The following ZCCHC24 variants were observed in gnomAD, a reference collection of about 807,000 sequenced individuals.
ZCCHC24 encodes the protein zinc finger CCHC-type containing 24.
A neutral mutation model predicts 26.2 loss-of-function variants in ZCCHC24; 10 were observed. The observed-to-expected ratio is 0.38, with a 90% confidence interval of 0.24 to 0.65. The LOEUF (loss-of-function observed/expected upper bound fraction) is 0.65. Ranked by LOEUF, ZCCHC24 falls within the 30% of genes least tolerant of loss-of-function variation. ZCCHC24 has a pLI of 0.54. For missense variants in ZCCHC24, 243 were observed against 329.1 expected, an observed-to-expected ratio of 0.74 and a Z score of 2.03; for synonymous variants, 144 against 147.1, an observed-to-expected ratio of 0.98 and a Z score of 0.15.
intron 2 of ZCCHC24, among the ~76,000 whole-genome samples, chr10:79,404,641 T>C (rs940730411): frequency 6.6e-6 from 1 of 152,182 alleles, no homozygotes; most frequent in African/African-American, 2.4e-5. Context: ...TTGGGTCCCG[T>C]TTGCTCAGCA....
chr10:79,444,479 C>T (rs553181466), intron 1 of ZCCHC24, among the ~76,000 whole-genome samples: 10 of 151,976 alleles, frequency 6.6e-5, no homozygotes, highest in South Asian at 2.1e-4. Context: ...TCTCCCCCCC[C>T]CTTTCTAGCC....
chr10:79,431,385 G>A (rs943874578), intron 2 of ZCCHC24, among the ~76,000 whole-genome samples: 6 of 152,210 alleles, frequency 3.9e-5, no homozygotes, highest in Admixed American at 2.0e-4. Flanking sequence ...ACCCACTGGA[G>A]ATGTGGGGTC....
chr10:79,389,548 G>A (rs1856445894), intron 3 of ZCCHC24, among the ~76,000 whole-genome samples: 3 of 151,908 alleles, frequency 2.0e-5, no homozygotes, highest in Non-Finnish European at 4.4e-5. Context: ...GTGTGTGTGT[G>A]TGTGTGTGTG....
chr10:79,399,693 G>GTA (rs1330409891), intron 2 of ZCCHC24, among the ~76,000 whole-genome samples: 1 of 152,220 alleles, frequency 6.6e-6, no homozygotes, highest in African/African-American at 2.4e-5. Flanking sequence ...GTGGGAAGCT[G>GTA]TGGCCAGTAT....
chr10:79,430,712 A>ACACACACACC (rs1311631405), intron 2 of ZCCHC24, among the ~76,000 whole-genome samples: 74 of 149,110 alleles, frequency 5.0e-4, no homozygotes, highest in South Asian at 1.3e-3. Context: ...ACACACACAC[A>ACACACACACC]CCCTCTGCTA....
intron 2 of ZCCHC24, among the ~76,000 whole-genome samples, chr10:79,421,016 C>G (rs1042346239): frequency 6.6e-6 from 1 of 152,298 alleles, no homozygotes; most frequent in East Asian, 1.9e-4. Context: ...CAAGGCGGCG[C>G]CAGGGGTGGA....
At position 79,384,506 on chromosome 10, in the gene ZCCHC24, C is replaced by T. The variant is rs202162509; in HGVS notation, c.*1839G>A. 1,307 of 152,530 alleles carry T rather than the reference C, an allele frequency of 8.6e-3. 8 individuals are homozygous for T. The highest frequency in any genetic ancestry group is 0.012 in the Non-Finnish European group (831 of 68,090). 9.4% of individuals were successfully genotyped at this position (152,530 alleles called of 1,614,324 possible). ...ACACCTTGGAGAAGACGGGGAACAA[C>T]GTGCTCGGGGAGTCCTCAGTGGCAG... On this transcript the variant is annotated 3_prime_UTR_variant, in exon 4 of 4. Coordinates refer to ENST00000372336, the MANE Select transcript of ZCCHC24 (RefSeq NM_153367.4).
rs532389231 is a variant in ZCCHC24 at position 79,402,042 on chromosome 10, A to AG, written c.448-7603dup. ...CAGGGGTGGGGCAACTAGTCCACAG[A>AG]GGGGGCGCAGGGCTGACCACGGACT... On this transcript the variant is annotated intron_variant, in intron 2 of 3. Coordinates refer to ENST00000372336, the MANE Select transcript of ZCCHC24 (RefSeq NM_153367.4). Among the ~76,000 whole-genome samples the AG allele has an allele frequency of 2.3e-3, 353 of 152,280 alleles. 3 individuals are homozygous for AG. The highest frequency in any genetic ancestry group is 9.7e-3 in the South Asian group (47 of 4,828).
chr10:79,402,966 G>A (rs374258940), intron 2 of ZCCHC24, among the ~76,000 whole-genome samples: 1 of 152,166 alleles, frequency 6.6e-6, no homozygotes. Flanking sequence ...TCTGCACCAG[G>A]CTCTGTGGAA....
At chr10:79,395,032 G>A (rs539302349) in intron 2 of ZCCHC24, among the ~76,000 whole-genome samples, 1 of 152,170 alleles carries the variant, frequency 6.6e-6, no homozygotes, top group East Asian at 1.9e-4. Context: ...TATCCATCTG[G>A]TTCTGCATCT....
At chr10:79,386,607 CAG>C (rs1856401328) in intron 3 of ZCCHC24, 149 bp from the exon 4 acceptor site, 1 of 594,292 alleles carries the variant, frequency 1.7e-6, no homozygotes, top group Non-Finnish European at 2.9e-6. Context: ...TCTGCAGAGA[CAG>C]AGACTGACAG....
chr10:79,387,610 C>T (rs1286276578), intron 3 of ZCCHC24, among the ~76,000 whole-genome samples: 1 of 139,298 alleles, frequency 7.2e-6, no homozygotes, highest in Non-Finnish European at 1.6e-5. Flanking sequence ...CAGGGCCAGC[C>T]TGGGGCCACA....
At chr10:79,413,348 T>C (rs1344648724) in intron 2 of ZCCHC24, among the ~76,000 whole-genome samples, 2 of 152,218 alleles carry the variant, frequency 1.3e-5, no homozygotes, top group Non-Finnish European at 1.5e-5. Context: ...CAGCCCAGCC[T>C]CTGCCTCCTG....
Position 79,445,585 on chromosome 10 carries a change from T to G in ZCCHC24, c.-145A>C. The G allele has an allele frequency of 9.1e-6, 6 of 660,084 alleles. No homozygotes were observed. Among genetic ancestry groups the G allele is most frequent in the Non-Finnish European group, 1.1e-5 (6 of 524,072 alleles). 40.9% of individuals were successfully genotyped at this position (660,084 alleles called of 1,614,324 possible). On this transcript the variant is annotated 5_prime_UTR_variant, in exon 1 of 4. Coordinates refer to ENST00000372336, the MANE Select transcript of ZCCHC24 (RefSeq NM_153367.4). ...GCCCCGCGCCCTGCGCCCCGCGCGC[T>G]GCCCGCAGCCGCTGCCGCTGCCGCC...
At chr10:79,431,245 C>A (rs1857122938) in intron 2 of ZCCHC24, among the ~76,000 whole-genome samples, 1 of 152,200 alleles carries the variant, frequency 6.6e-6, no homozygotes, top group Non-Finnish European at 1.5e-5. Flanking sequence ...CCCTTAAGGA[C>A]CAACTAGATC....
At chr10:79,441,888 G>A (rs1271055973) in intron 1 of ZCCHC24, among the ~76,000 whole-genome samples, 1 of 152,260 alleles carries the variant, frequency 6.6e-6, no homozygotes, top group Non-Finnish European at 1.5e-5. Flanking sequence ...GGAGGGTACA[G>A]GGACTACCTG....
intron 2 of ZCCHC24, among the ~76,000 whole-genome samples, chr10:79,415,779 C>G (rs1208771018): frequency 6.6e-6 from 1 of 152,196 alleles, no homozygotes; most frequent in East Asian, 1.9e-4. Flanking sequence ...GCACTCATAT[C>G]TCCTAGGCAG....
At chr10:79,391,851 T>C (rs11813368) in intron 3 of ZCCHC24, among the ~76,000 whole-genome samples, 27,717 of 150,776 alleles carry the variant, frequency 0.18, 2,835 homozygotes, top group African/African-American at 0.27. Flanking sequence ...GGTGACTCAG[T>C]ACACATGGAT....
intron 2 of ZCCHC24, among the ~76,000 whole-genome samples, chr10:79,430,890 C>A (rs1481952940): frequency 1.3e-5 from 2 of 152,180 alleles, no homozygotes; most frequent in African/African-American, 4.8e-5. Flanking sequence ...CTGAGTGTCA[C>A]CTGCCTGCCT....
Sources: allele counts gnomAD v4.1 joint callset (sites outside exome capture counted in the v4.1 genomes callset), GRCh38; gene constraint gnomAD v4.1.1; transcripts MANE v1.5; gene names NCBI Gene and HGNC (gene_info 2026-07-23, HGNC 2026-07-21).